Variants in APOL5 observed in about 807,000 individuals in gnomAD.
The protein encoded by APOL5 is apolipoprotein L5.
Under a neutral mutation model 35.5 loss-of-function variants are expected in APOL5, and 29 were observed. The ratio of observed to expected loss-of-function variants is 0.82; its 90% CI spans 0.61 to 1.11. APOL5 has a LOEUF of 1.11. Among genes scored for constraint, APOL5 ranks in the 50% most tolerant of loss-of-function variants. The pLI, the probability that APOL5 is intolerant of heterozygous loss-of-function variation, is 0.00. For synonymous variants in APOL5, 188 were observed against 200.2 expected (o/e 0.94, Z 0.51); for missense variants, 514 against 530.4 (o/e 0.97, Z 0.30).
upstream of APOL5, among the ~76,000 whole-genome samples, chr22:35,717,390 G>C (rs546304051): frequency 7.3e-5 from 9 of 123,224 alleles, no homozygotes; most frequent in South Asian, 2.5e-3. Context: ...GCCAAAATGA[G>C]ACCATCTCCA....
At chr22:35,724,435 C>T (rs1175640372) in intron 2 of APOL5, among the ~76,000 whole-genome samples, 1 of 150,560 alleles carries the variant, frequency 6.6e-6, no homozygotes, top group Non-Finnish European at 1.5e-5. Context: ...TCCATACACT[C>T]TTGGTACTGT....
the APOL5 span, among the ~76,000 whole-genome samples, chr22:35,709,199 A>G: frequency 6.6e-6 from 1 of 152,240 alleles, no homozygotes; most frequent in Non-Finnish European, 1.5e-5. Context: ...ATGCATATGC[A>G]GGTTTTGAAT....
At chr22:35,716,459 G>C (rs985648292), upstream of APOL5, among the ~76,000 whole-genome samples, 1 of 152,092 alleles carries the variant, frequency 6.6e-6, no homozygotes, top group African/African-American at 2.4e-5. Context: ...TTTTAGTAGA[G>C]ACTTGTTGGC....
At chr22:35,710,794 C>T in the APOL5 span, among the ~76,000 whole-genome samples, 11 of 152,282 alleles carry the variant, frequency 7.2e-5, no homozygotes, top group East Asian at 1.4e-3. Flanking sequence ...GGGAATCCTA[C>T]GGCGTGTGTC....
At chr22:35,725,657 G>A (rs544396106) in intron 2 of APOL5, among the ~76,000 whole-genome samples, 46 of 152,182 alleles carry the variant, frequency 3.0e-4, no homozygotes, top group Middle Eastern at 3.4e-3. Context: ...TGTCGAAGTC[G>A]CCCTCTTGCG....
chr22:35,720,907 G>A (rs1002593969), intron 2 of APOL5, among the ~76,000 whole-genome samples: 1 of 152,034 alleles, frequency 6.6e-6, no homozygotes, highest in Non-Finnish European at 1.5e-5. Context: ...CACCACGCCC[G>A]GCTAATTTTT....
At chr22:35,720,904 C>G (rs1366401342) in intron 2 of APOL5, among the ~76,000 whole-genome samples, 1 of 152,106 alleles carries the variant, frequency 6.6e-6, no homozygotes, top group African/African-American at 2.4e-5. Flanking sequence ...CGCCACCACG[C>G]CCGGCTAATT....
chr22:35,726,686 G>T lies in APOL5; in HGVS notation c.618G>T (p.Gly206=), dbSNP rs1927174324. The change falls in exon 3 of 5, where the codon GGG becomes GGT. Residue 206 remains glycine (G), a synonymous_variant. Coordinates refer to ENST00000249044, the MANE Select transcript of APOL5 (RefSeq NM_030642.1). ...SAARDKASRL[G]PLTTSHEAFG... ...CAAGAGACAAAGCCAGCCGACTGGG[G>T]CCTCTGACAACATCACATGAGGCTT... is the stretch of plus-strand genomic sequence containing the variant. The T allele has an allele frequency of 6.2e-7, 1 of 1,614,122 alleles. No homozygotes were observed. Among genetic ancestry groups the T allele is most frequent in the African/African-American group, 1.3e-5 (1 of 74,946 alleles).
In APOL5 at chr22:35,726,339, C is replaced by A. The variant is rs1393551083; in HGVS notation, c.271C>A (p.Pro91Thr). Residue 91 changes from proline to threonine, a missense_variant, in exon 3 of 5, where the codon CCA becomes ACA. Transcript: ENST00000249044. ...ELMRCDKDSM[P>T]DGNLSEEEKL... ...GATGCGATGTGACAAAGATTCCATG[C>A]CAGATGGAAATCTGTCAGAGGAGGA... The A allele has an allele frequency of 1.2e-6, 2 of 1,614,146 alleles. No homozygotes were observed. The highest frequency in any genetic ancestry group is 1.7e-6 in the Non-Finnish European group (2 of 1,180,050).
At chr22:35,711,719 AGGCTGGAG>A in the APOL5 span, among the ~76,000 whole-genome samples, 7 of 137,306 alleles carry the variant, frequency 5.1e-5, no homozygotes, top group Admixed American at 5.7e-4. Flanking sequence ...CTTGTCGCCC[AGGCTGGAG>A]TGCAGTGGCA....
chr22:35,728,956 T>C lies in APOL5; in HGVS notation c.*6+52T>C, dbSNP rs1055111263. 3 of 1,507,854 alleles carry C rather than the reference T, an allele frequency of 2.0e-6. No homozygotes were observed. In the African/African-American group the frequency reaches 4.2e-5, roughly 21 times the overall value. 93.4% of individuals were successfully genotyped at this position (1,507,854 alleles called of 1,614,324 possible). On this transcript the variant is annotated intron_variant, in intron 4 of 4. Transcript: ENST00000249044. ...GCTGTGGGAACCCCTGACAGTGAAGTAACCCCTCCTTGGGTGGGTGGGCTT... is the reference window on the plus strand; with the variant it reads ...GCTGTGGGAACCCCTGACAGTGAAGCAACCCCTCCTTGGGTGGGTGGGCTT...
chr22:35,728,513 G>A (rs1292869549), intron 3 of APOL5, among the ~76,000 whole-genome samples: 1 of 152,228 alleles, frequency 6.6e-6, no homozygotes, highest in East Asian at 1.9e-4. Context: ...GTGAGCAACC[G>A]CGCCCGGCCG....
At chr22:35,715,106 C>G (rs895686945), upstream of APOL5, among the ~76,000 whole-genome samples, 1 of 152,128 alleles carries the variant, frequency 6.6e-6, no homozygotes, top group Non-Finnish European at 1.5e-5. Context: ...GCATAAAGCA[C>G]AAAAGTTGCA....
chr22:35,720,448 T>TAAC lies in APOL5; in HGVS notation c.56-120_56-119insAAC, dbSNP rs59054451. On this transcript the variant is annotated intron_variant, in intron 1 of 4. Coordinates refer to ENST00000249044, the MANE Select transcript of APOL5 (RefSeq NM_030642.1). ...AGACATTAAGATTTTTGTTGTATTC[T>TAAC]TTTTTTTTTCTAATTCTCCAATATT... The TAAC allele has an allele frequency of 6.6e-4, 424 of 640,476 alleles. 4 individuals are homozygous for TAAC. Among genetic ancestry groups the TAAC allele is most frequent in the South Asian group, 4.1e-3 (169 of 40,928 alleles). The allele number at this position is 640,476 out of a possible 1,614,324, so 39.7% of individuals were successfully genotyped here.
the APOL5 span, among the ~76,000 whole-genome samples, chr22:35,712,466 CCTT>C: frequency 2.0e-5 from 3 of 152,186 alleles, no homozygotes; most frequent in Non-Finnish European, 4.4e-5. Flanking sequence ...GATCCTCCCA[CCTT>C]AGCCTCCCAA....
At position 35,728,945 on chromosome 22, in the gene APOL5, T is replaced by C; in HGVS notation, c.*6+41T>C. On this transcript the variant is annotated intron_variant, in intron 4 of 4. Coordinates refer to ENST00000249044, the MANE Select transcript of APOL5 (RefSeq NM_030642.1). The stretch of plus-strand genomic sequence containing the variant: ...GGAAGCCAGGAGCTGTGGGAACCCC[T>C]GACAGTGAAGTAACCCCTCCTTGGG... 1.3e-6 allele frequency: 2 copies of C among 1,532,452 alleles called. 1 individual carries two copies. The allele number at this position is 1,532,452 out of a possible 1,614,324, so 94.9% of individuals were successfully genotyped here.
intron 2 of APOL5, among the ~76,000 whole-genome samples, chr22:35,723,313 A>C (rs997531290): frequency 6.6e-6 from 1 of 152,196 alleles, no homozygotes; most frequent in Non-Finnish European, 1.5e-5. Context: ...GGGATATACA[A>C]GTCAAACCCT....
At chr22:35,713,442 C>T (rs148997119), upstream of APOL5, among the ~76,000 whole-genome samples, 41 of 152,298 alleles carry the variant, frequency 2.7e-4, no homozygotes, top group Middle Eastern at 3.4e-3. Context: ...TCCTCAACCC[C>T]TCCACCTACC....
At chr22:35,711,879 T>A in the APOL5 span, among the ~76,000 whole-genome samples, 1 of 152,152 alleles carries the variant, frequency 6.6e-6, no homozygotes, top group Admixed American at 6.5e-5. Flanking sequence ...TTCGCCATGT[T>A]GGCCAGGCTG....
Sources: allele counts gnomAD v4.1 joint callset (sites outside exome capture counted in the v4.1 genomes callset), GRCh38; gene constraint gnomAD v4.1.1; transcripts MANE v1.5; gene names NCBI Gene and HGNC (gene_info 2026-07-23, HGNC 2026-07-21).